AKT3: variants seen among roughly 807,000 people sequenced by gnomAD.
The protein encoded by AKT3 is AKT serine/threonine kinase 3.
In AKT3, 15 loss-of-function variants were observed where a neutral mutation model predicts 65.3. That is an observed-to-expected ratio of 0.23 (90% CI 0.15 to 0.35). The LOEUF (loss-of-function observed/expected upper bound fraction) is 0.35, where lower values mean the gene tolerates loss of function less well. AKT3 is among the 10% of genes least tolerant of loss of function. AKT3 has a pLI of 1.00. For synonymous variants in AKT3, 206 were observed against 183.8 expected, an observed-to-expected ratio of 1.12 and a Z score of -0.98; for missense variants, 243 against 576.5, an observed-to-expected ratio of 0.42 and a Z score of 5.92.
At chr1:243,715,049 T>A (rs1686415168) in intron 2 of AKT3, among the ~76,000 whole-genome samples, 1 of 152,128 alleles carries the variant, frequency 6.6e-6, no homozygotes, top group South Asian at 2.1e-4. Context: ...ACCACAAGTA[T>A]CCTTCTGATC....
chr1:243,828,857 G>A (rs1694331421), intron 2 of AKT3, among the ~76,000 whole-genome samples: 1 of 152,112 alleles, frequency 6.6e-6, no homozygotes, highest in South Asian at 2.1e-4. Context: ...CTTTGAAATT[G>A]TAGATGGACA....
intron 8 of AKT3, among the ~76,000 whole-genome samples, chr1:243,587,477 T>C (rs1395287609): frequency 6.6e-6 from 1 of 151,968 alleles, no homozygotes; most frequent in Non-Finnish European, 1.5e-5. Flanking sequence ...CTGGGCATGG[T>C]GGCGGGCGCT....
intron 2 of AKT3, among the ~76,000 whole-genome samples, chr1:243,833,552 T>C (rs1307869110): frequency 6.6e-6 from 1 of 152,060 alleles, no homozygotes; most frequent in Non-Finnish European, 1.5e-5. Flanking sequence ...ACGTAGGGAT[T>C]ACAATTTTTA....
intron 2 of AKT3, among the ~76,000 whole-genome samples, chr1:243,710,435 C>A (rs1686071845): frequency 6.6e-6 from 1 of 152,156 alleles, no homozygotes; most frequent in Non-Finnish European, 1.5e-5. Context: ...AAGCTACTAG[C>A]ACTCCATTCA....
At chr1:243,749,343 G>A (rs539991078) in intron 2 of AKT3, among the ~76,000 whole-genome samples, 2 of 152,148 alleles carry the variant, frequency 1.3e-5, no homozygotes, top group African/African-American at 2.4e-5. Flanking sequence ...GATCATGATT[G>A]TTTTCTAAAG....
chr1:243,553,686 G>A (rs1027521677), intron 10 of AKT3, among the ~76,000 whole-genome samples: 9 of 152,094 alleles, frequency 5.9e-5, no homozygotes, highest in Non-Finnish European at 1.3e-4. Context: ...TATATTACAC[G>A]TAAAATAAAT....
chr1:243,591,112 T>C (rs1676195505), intron 8 of AKT3, among the ~76,000 whole-genome samples: 1 of 152,018 alleles, frequency 6.6e-6, no homozygotes, highest in Non-Finnish European at 1.5e-5. Context: ...CAGAAGACAG[T>C]ACCAAAGACA....
At chr1:243,496,837 C>T (rs1001150355), downstream of AKT3, among the ~76,000 whole-genome samples, 2 of 152,194 alleles carry the variant, frequency 1.3e-5, no homozygotes, top group Admixed American at 6.5e-5. Flanking sequence ...GAGATGACTC[C>T]GATAGGATTT....
chr1:243,574,150 T>A (rs779338812), intron 8 of AKT3, among the ~76,000 whole-genome samples: 1 of 152,130 alleles, frequency 6.6e-6, no homozygotes, highest in African/African-American at 2.4e-5. Flanking sequence ...TTCTACAAAA[T>A]TGGTGAAAAT....
At position 243,504,839 on chromosome 1, in the gene AKT3, T is replaced by C. The variant is rs372332395; in HGVS notation, c.*410A>G. ...CTTAGTCTAGTTAGTTTTTCTCTTC[T>C]AGAAAGTTAAAAAATGTACCTAGAA... is the stretch of plus-strand genomic sequence containing the variant. On this transcript the variant is annotated 3_prime_UTR_variant, in exon 14 of 14. Coordinates refer to ENST00000673466, the MANE Select transcript of AKT3 (RefSeq NM_005465.7). 7 of 225,246 alleles carry C rather than the reference T, an allele frequency of 3.1e-5. No homozygotes were observed. The South Asian group carries it at 1.1e-3, about 37-fold the overall frequency. The allele number at this position is 225,246 out of a possible 1,614,324, so 14.0% of individuals were successfully genotyped here. A position where few individuals can be genotyped will look rare whatever the true frequency, so the allele number is the denominator to read the frequency against.
intron 2 of AKT3, among the ~76,000 whole-genome samples, chr1:243,739,043 A>C (rs1687997083): frequency 6.6e-6 from 1 of 151,972 alleles, no homozygotes; most frequent in African/African-American, 2.4e-5. Flanking sequence ...TCACTCTCAA[A>C]CCTTATGCTT....
intron 12 of AKT3, among the ~76,000 whole-genome samples, chr1:243,536,861 T>C (rs1397746018): frequency 6.6e-6 from 1 of 152,158 alleles, no homozygotes; most frequent in Non-Finnish European, 1.5e-5. Flanking sequence ...AGTTTAAAAG[T>C]GGGCCATTAT....
chr1:243,625,124 GTTTTTTTTTT>G (rs67561828), intron 6 of AKT3: 1 of 73,388 alleles, frequency 1.4e-5, no homozygotes, highest in African/African-American at 6.0e-5. Flanking sequence ...TGCAGTTTGT[GTTTTTTTTTT>G]TTTTTTTTTT....
At chr1:243,751,006 C>G (rs1447007069) in intron 2 of AKT3, among the ~76,000 whole-genome samples, 1 of 152,290 alleles carries the variant, frequency 6.6e-6, no homozygotes, top group Middle Eastern at 3.4e-3. Context: ...TACAAACACA[C>G]AGAAAGTGAG....
intron 8 of AKT3, among the ~76,000 whole-genome samples, chr1:243,579,974 G>T (rs1348333812): frequency 5.9e-5 from 9 of 152,142 alleles, no homozygotes; most frequent in Admixed American, 4.6e-4. Flanking sequence ...TGTGTAAGTG[G>T]TTATCTAGTC....
chr1:243,795,760 C>T (rs1480087628), intron 2 of AKT3, among the ~76,000 whole-genome samples: 1 of 152,012 alleles, frequency 6.6e-6, no homozygotes, highest in Non-Finnish European at 1.5e-5. Flanking sequence ...CGTGAGCCAC[C>T]GCGCCCGGCC....
intron 2 of AKT3, among the ~76,000 whole-genome samples, chr1:243,754,955 G>A (rs1183350084): frequency 2.6e-5 from 4 of 152,230 alleles, no homozygotes; most frequent in African/African-American, 9.6e-5. Flanking sequence ...ACCATTCCAT[G>A]AAGTCAAGAA....
intron 12 of AKT3, among the ~76,000 whole-genome samples, chr1:243,544,869 T>C (rs1240266976): frequency 6.6e-6 from 1 of 151,756 alleles, no homozygotes; most frequent in Non-Finnish European, 1.5e-5. Flanking sequence ...TTGATTTTTT[T>C]TTTTTCTTGT....
At chr1:243,801,801 T>A (rs886615402) in intron 2 of AKT3, among the ~76,000 whole-genome samples, 2 of 152,190 alleles carry the variant, frequency 1.3e-5, no homozygotes, top group African/African-American at 2.4e-5. Flanking sequence ...CTGCAAAAAT[T>A]ATCGAGCCAC....
Sources: allele counts gnomAD v4.1 joint callset (sites outside exome capture counted in the v4.1 genomes callset), GRCh38; gene constraint gnomAD v4.1.1; transcripts MANE v1.5; gene names NCBI Gene and HGNC (gene_info 2026-07-23, HGNC 2026-07-21).